The following RABEPK variants were observed in gnomAD, a reference collection of about 807,000 sequenced individuals.
RABEPK encodes Rab9 effector protein with kelch motifs, also known as 40 kDa Rab9 effector protein.
In RABEPK, 27 loss-of-function variants were observed where a neutral mutation model predicts 34.1. The ratio of observed to expected loss-of-function variants is 0.79; its 90% CI spans 0.58 to 1.09. RABEPK has a LOEUF of 1.09. RABEPK is among the 50% of genes least tolerant of loss of function. RABEPK has a pLI of 0.00. For missense variants in RABEPK, 449 were observed against 462.6 expected (o/e 0.97, Z 0.27); for synonymous variants, 172 against 169.2 (o/e 1.02, Z -0.13).
At position 125,234,130 on chromosome 9, in the gene RABEPK, G is replaced by T; in HGVS notation, c.*150G>T. The T allele has an allele frequency of 4.8e-6, 4 of 829,516 alleles. No homozygotes were observed. Among genetic ancestry groups the T allele is most frequent in the Non-Finnish European group, 7.6e-6 (4 of 528,218 alleles). 51.4% of individuals were successfully genotyped at this position (829,516 alleles called of 1,614,324 possible). A position where few individuals can be genotyped will look rare whatever the true frequency, so the allele number is the denominator to read the frequency against. On this transcript the variant is annotated 3_prime_UTR_variant, in exon 8 of 8. Transcript: ENST00000373538. ...AGAAACTAATGCAAATAATTCTTAT[G>T]TGCACTAAACCTTGCTATATTGCCT...
At chr9:125,228,989 C>T (rs1831980454) in intron 6 of RABEPK, among the ~76,000 whole-genome samples, 1 of 151,090 alleles carries the variant, frequency 6.6e-6, no homozygotes, top group African/African-American at 2.4e-5. Flanking sequence ...CACAGTGGCT[C>T]ATGCCTGTAA....
At chr9:125,220,370 G>C in intron 4 of RABEPK, 169 bp from the exon 5 acceptor site, 1 of 1,463,644 alleles carries the variant, frequency 6.8e-7, no homozygotes, top group East Asian at 2.5e-5. Context: ...CAAATCCTAA[G>C]TATCATCTTC....
Position 125,234,075 on chromosome 9 carries a change from T to C in RABEPK, c.*95T>C. ...CCTCCAAAATATCTTCTGCATTATA[T>C]ATCTGTTTTTCTCCTACTTTGGTAG... is the stretch of plus-strand genomic sequence containing the variant. On this transcript the variant is annotated 3_prime_UTR_variant, in exon 8 of 8. Coordinates refer to ENST00000373538, the MANE Select transcript of RABEPK (RefSeq NM_005833.4). 7.9e-7 allele frequency: 1 copy of C among 1,261,286 alleles called. No individual in the cohort carries two copies. The highest frequency in any genetic ancestry group is 1.1e-6 in the Non-Finnish European group (1 of 901,076). The allele number at this position is 1,261,286 out of a possible 1,614,324, so 78.1% of individuals were successfully genotyped here.
intron 6 of RABEPK, among the ~76,000 whole-genome samples, chr9:125,232,366 A>G (rs1327455502): frequency 6.6e-6 from 1 of 152,196 alleles, no homozygotes; most frequent in Non-Finnish European, 1.5e-5. Flanking sequence ...AAGACTGCCT[A>G]CATCAGAATC....
chr9:125,203,137 A>G, intron 2 of RABEPK, 71 bp downstream of exon 2: 1 of 1,365,254 alleles, frequency 7.3e-7, no homozygotes, highest in Non-Finnish European at 1.0e-6. Flanking sequence ...TTATTTACAT[A>G]TTTGATCATC....
At chr9:125,226,741 G>C (rs1767801386) in intron 5 of RABEPK, among the ~76,000 whole-genome samples, 2 of 152,072 alleles carry the variant, frequency 1.3e-5, no homozygotes. Context: ...GCATGTGGCT[G>C]TAGTCCCAGC....
At chr9:125,206,058 C>T (rs1239536055) in intron 2 of RABEPK, among the ~76,000 whole-genome samples, 3 of 152,098 alleles carry the variant, frequency 2.0e-5, no homozygotes, top group Admixed American at 6.6e-5. Flanking sequence ...TGTGGGAAAG[C>T]CTGGCTGGGA....
intron 4 of RABEPK, among the ~76,000 whole-genome samples, chr9:125,218,266 G>A (rs1442040099): frequency 9.6e-5 from 13 of 134,960 alleles, no homozygotes; most frequent in African/African-American, 3.3e-4. Context: ...CTTGCAAAGT[G>A]AGCCGAGATC....
At position 125,233,746 on chromosome 9, in the gene RABEPK, C is replaced by CCATT. The variant is rs775264832; in HGVS notation, c.887_890dup (p.Met298PhefsTer14). ...CTCTTCTACCCCCTGGACGATTGGA[C>CCATT]CATTCCATGTGTATCATTCCATGGC... On this transcript the variant is annotated frameshift_variant, in exon 8 of 8. Transcript: ENST00000373538. LOFTEE classifies it low-confidence loss of function (END_TRUNC). The CCATT allele has an allele frequency of 9.3e-6, 15 of 1,614,010 alleles. No homozygotes were observed. The East Asian group carries it at 3.1e-4, about 34-fold the overall frequency.
intron 2 of RABEPK, among the ~76,000 whole-genome samples, chr9:125,206,390 C>T (rs555879095): frequency 1.3e-5 from 2 of 151,538 alleles, no homozygotes; most frequent in South Asian, 4.2e-4. Context: ...CCCAGCTACT[C>T]GGGAGGCTGA....
chr9:125,219,685 G>A (rs543873219), intron 4 of RABEPK, among the ~76,000 whole-genome samples: 2 of 151,914 alleles, frequency 1.3e-5, no homozygotes, highest in Non-Finnish European at 2.9e-5. Context: ...TTACAAGCGT[G>A]AGCCACTGCA....
intron 6 of RABEPK, among the ~76,000 whole-genome samples, chr9:125,232,107 C>G (rs1221428638): frequency 6.6e-6 from 1 of 150,934 alleles, no homozygotes; most frequent in South Asian, 2.1e-4. Context: ...CCATGTTGGT[C>G]AGGCTGGTCT....
In RABEPK at chr9:125,232,610, C is replaced by A; in HGVS notation, c.691C>A (p.Gln231Lys). The change falls in exon 7 of 8, where the codon CAG (glutamine) becomes AAG (lysine). Residue 231 changes from glutamine (Q) to lysine (K), a missense_variant. Gln to Lys is a moderately conservative substitution (Grantham distance 53). Transcript: ENST00000373538. Reference sequence around the variant, plus strand: ...TCTCTTGGCAGGTGACATGAAATGGCAGAAGCTAAATCCCACTGGGGCTGC... The same window carrying A: ...TCTCTTGGCAGGTGACATGAAATGGAAGAAGCTAAATCCCACTGGGGCTGC... ...HCIDISDMKW[Q>K]KLNPTGAAPA... 1.2e-6 allele frequency: 2 copies of A among 1,611,772 alleles called. No individual in the cohort carries two copies. Among genetic ancestry groups the A allele is most frequent in the South Asian group, 1.1e-5 (1 of 90,622 alleles).
chr9:125,206,371 G>A (rs1049267017), intron 2 of RABEPK, among the ~76,000 whole-genome samples: 43 of 152,034 alleles, frequency 2.8e-4, no homozygotes, highest in African/African-American at 7.7e-4. Flanking sequence ...GGTGGTGCGC[G>A]CCTGTAGTCC....
rs539754898 is a variant in RABEPK at position 125,201,575 on chromosome 9, C to T, written c.-7+669C>T. ...GAAGAATTGCCTGAGGCTAGGAGTTCGAGACCAGCCTGGACAACAAAGCGA... is the reference window on the plus strand; with the variant it reads ...GAAGAATTGCCTGAGGCTAGGAGTTTGAGACCAGCCTGGACAACAAAGCGA... On this transcript the variant is annotated intron_variant, in intron 1 of 7. Transcript: ENST00000373538. 7.2e-5 allele frequency among the ~76,000 whole-genome samples: 11 copies of T among 152,098 alleles called. No homozygotes were observed. In the East Asian group the frequency reaches 1.9e-3, roughly 27 times the overall value.
chr9:125,224,207 AC>A (rs1564192505), intron 5 of RABEPK, among the ~76,000 whole-genome samples: 4 of 122,246 alleles, frequency 3.3e-5, no homozygotes, highest in East Asian at 2.0e-4. Context: ...AAAAACAAAA[AC>A]AAAACAAAAA....
At chr9:125,217,787 T>A (rs2131397189) in intron 4 of RABEPK, among the ~76,000 whole-genome samples, 1 of 152,238 alleles carries the variant, frequency 6.6e-6, no homozygotes, top group South Asian at 2.1e-4. Context: ...GTGACATGTA[T>A]ACCTTTCTAG....
intron 2 of RABEPK, among the ~76,000 whole-genome samples, chr9:125,206,817 C>T (rs965988771): frequency 4.6e-5 from 7 of 152,016 alleles, no homozygotes; most frequent in African/African-American, 9.7e-5. Context: ...CAGCCAGGCA[C>T]GGTGGCTCAC....
chr9:125,216,980 A>G (rs980490892), intron 4 of RABEPK, among the ~76,000 whole-genome samples: 26 of 151,874 alleles, frequency 1.7e-4, no homozygotes, highest in African/African-American at 3.1e-4. Context: ...AAAAAAAAAA[A>G]AAGAAGAAAG....
Sources: gnomAD v4.1 joint callset for allele counts (sites outside exome capture counted in the v4.1 genomes callset) on GRCh38, gnomAD v4.1.1 for gene constraint, MANE v1.5 for transcripts, NCBI Gene and HGNC (gene_info 2026-07-23, HGNC 2026-07-21) for gene names.